The following DNM3 variants were observed in gnomAD, a reference collection of about 807,000 sequenced individuals.
DNM3 encodes dynamin 3.
A neutral mutation model predicts 101.6 loss-of-function variants in DNM3; 47 were observed. The observed-to-expected ratio is 0.46, with a 90% CI of 0.37 to 0.59. DNM3 has a LOEUF of 0.59. Ranked by LOEUF, DNM3 falls within the 20% of genes least tolerant of loss-of-function variation. The pLI is 0.00. For missense variants in DNM3, 849 were observed against 1,085.7 expected (o/e 0.78, Z 3.06); for synonymous variants, 385 against 387.9 (o/e 0.99, Z 0.09).
chr1:172,192,054 G>C (rs973435226), intron 14 of DNM3, among the ~76,000 whole-genome samples: 3 of 152,076 alleles, frequency 2.0e-5, no homozygotes, highest in African/African-American at 7.2e-5. Context: ...GGTGAGAGAG[G>C]GCATCCCTGT....
intron 15 of DNM3, among the ~76,000 whole-genome samples, chr1:172,270,040 A>G (rs1177139947): frequency 6.6e-6 from 1 of 152,204 alleles, no homozygotes; most frequent in Non-Finnish European, 1.5e-5. Flanking sequence ...TAGCAATAAC[A>G]TGTAGAATAT....
intron 14 of DNM3, among the ~76,000 whole-genome samples, chr1:172,191,789 G>T (rs2059734031): frequency 1.3e-5 from 2 of 152,128 alleles, no homozygotes; most frequent in South Asian, 2.1e-4. Context: ...TTGTGAATGG[G>T]AGTTCACTCA....
At chr1:172,276,557 A>ATGTATGTGTGTGTGTG (rs1553218158) in intron 15 of DNM3, among the ~76,000 whole-genome samples, 10 of 144,262 alleles carry the variant, frequency 6.9e-5, no homozygotes, top group Non-Finnish European at 1.5e-4. Context: ...AAAAATCTTA[A>ATGTATGTGTGTGTGTG]TGTGTGTGTG....
At chr1:172,039,638 C>A (rs2049225320) in intron 7 of DNM3, among the ~76,000 whole-genome samples, 1 of 152,114 alleles carries the variant, frequency 6.6e-6, no homozygotes, top group South Asian at 2.1e-4. Flanking sequence ...GGTCTTGCCT[C>A]TGTGACTTTA....
intron 13 of DNM3, among the ~76,000 whole-genome samples, chr1:172,118,196 C>A (rs1277058546): frequency 6.6e-6 from 1 of 152,122 alleles, no homozygotes; most frequent in Non-Finnish European, 1.5e-5. Context: ...ATGCATTTTT[C>A]CCTAGAACAT....
intron 14 of DNM3, among the ~76,000 whole-genome samples, chr1:172,197,676 G>A (rs1031531224): frequency 2.0e-5 from 3 of 151,928 alleles, no homozygotes; most frequent in African/African-American, 7.3e-5. Flanking sequence ...TGGCACTTAT[G>A]AATGGGATTG....
intron 16 of DNM3, 166 bp downstream of exon 16, chr1:172,309,005 C>T (rs750582698): frequency 1.3e-4 from 53 of 423,642 alleles, no homozygotes; most frequent in Non-Finnish European, 1.9e-4. Context: ...TTTAACAATG[C>T]TTTTTCTCTG....
intron 2 of DNM3, among the ~76,000 whole-genome samples, chr1:171,971,976 G>A (rs1312052705): frequency 1.3e-5 from 2 of 152,138 alleles, no homozygotes; most frequent in Admixed American, 6.6e-5. Flanking sequence ...CATACTGAAC[G>A]AGGAAAAGAA....
At chr1:171,900,458 A>C (rs1367083727) in intron 1 of DNM3, among the ~76,000 whole-genome samples, 3 of 152,160 alleles carry the variant, frequency 2.0e-5, no homozygotes, top group Non-Finnish European at 4.4e-5. Flanking sequence ...GAGGAAAAGC[A>C]CAGAAGACAG....
At position 172,291,285 on chromosome 1, in the gene DNM3, T is replaced by A. The variant is rs1181863716; in HGVS notation, c.1770-17443T>A. On this transcript the variant is annotated intron_variant, in intron 15 of 20. Transcript: ENST00000627582. ...ACGCATACATGTGCGTGTGTACACG[T>A]GTGCACGCCTGTTTTCAGATGGCTG... 5.8e-5 allele frequency among the ~76,000 whole-genome samples: 6 copies of A among 102,726 alleles called. No homozygotes were observed. In the East Asian group the frequency reaches 1.7e-3, roughly 29 times the overall value. 67.4% of individuals were successfully genotyped at this position (102,726 alleles called of 152,430 possible).
chr1:172,237,799 C>T (rs2061600566), intron 14 of DNM3, among the ~76,000 whole-genome samples: 1 of 152,128 alleles, frequency 6.6e-6, no homozygotes, highest in Non-Finnish European at 1.5e-5. Context: ...TACTGAGAAA[C>T]TTTAGCTGAT....
intron 15 of DNM3, among the ~76,000 whole-genome samples, chr1:172,262,365 TG>T (rs903690504): frequency 6.6e-6 from 1 of 152,008 alleles, no homozygotes; most frequent in Non-Finnish European, 1.5e-5. Context: ...CTTGGTGGGG[TG>T]GGGGCTGTGC....
intron 17 of DNM3, among the ~76,000 whole-genome samples, chr1:172,359,700 C>A (rs2067644672): frequency 6.6e-6 from 1 of 151,482 alleles, no homozygotes; most frequent in African/African-American, 2.4e-5. Flanking sequence ...ATTTAAAAGT[C>A]TTTTAAGTGT....
rs114021592 is a variant in DNM3 at position 172,368,383 on chromosome 1, A to T, written c.1894-10635A>T. Among the ~76,000 whole-genome samples, 1,347 of 152,082 alleles carry T rather than the reference A, an allele frequency of 8.9e-3. 28 individuals are homozygous for T. Among genetic ancestry groups the T allele is most frequent in the African/African-American group, 0.031 (1,268 of 41,548 alleles). On this transcript the variant is annotated intron_variant, in intron 17 of 20. Coordinates refer to ENST00000627582, the MANE Select transcript of DNM3 (RefSeq NM_015569.5). The stretch of plus-strand genomic sequence containing the variant: ...ACATGCTCCAAAACAACCAAAGGGT[A>T]AATTAAGAAATTAAGAAGTACATTA...
intron 15 of DNM3, among the ~76,000 whole-genome samples, chr1:172,284,279 G>T (rs1228936652): frequency 2.6e-5 from 4 of 152,118 alleles, no homozygotes; most frequent in African/African-American, 9.7e-5. Context: ...AGCCTTTTGA[G>T]TAATTGTTAA....
At chr1:172,055,366 CAG>C (rs2050520197) in intron 10 of DNM3, among the ~76,000 whole-genome samples, 1 of 152,102 alleles carries the variant, frequency 6.6e-6, no homozygotes, top group Non-Finnish European at 1.5e-5. Context: ...CCCCATAAAG[CAG>C]AGTCTTTCTC....
chr1:172,201,519 G>A (rs1305349291), intron 14 of DNM3, among the ~76,000 whole-genome samples: 1 of 152,216 alleles, frequency 6.6e-6, no homozygotes, highest in Non-Finnish European at 1.5e-5. Context: ...AGAATAGAGG[G>A]TCTGTGCTAT....
chr1:172,175,714 C>A (rs115145485), intron 14 of DNM3, among the ~76,000 whole-genome samples: 1 of 151,758 alleles, frequency 6.6e-6, no homozygotes, highest in Non-Finnish European at 1.5e-5. Flanking sequence ...ACAAATTTCA[C>A]ACGATCAAAT....
In DNM3 at chr1:172,133,006, A is replaced by G. The variant is rs924409266; in HGVS notation, c.1659+1718A>G. 47 of 1,523,278 alleles carry G rather than the reference A, an allele frequency of 3.1e-5. No homozygotes were observed. The East Asian group carries it at 1.0e-3, about 33-fold the overall frequency. 94.4% of individuals were successfully genotyped at this position (1,523,278 alleles called of 1,614,324 possible). ...AGAGCCTATGCTTTCAACCACAAAT[A>G]AAGGCAAGAATCCCAGAGATGCCTG... On this transcript the variant is annotated intron_variant, in intron 14 of 20. Transcript: ENST00000627582.
Sources: allele counts gnomAD v4.1 joint callset (sites outside exome capture counted in the v4.1 genomes callset), GRCh38; gene constraint gnomAD v4.1.1; transcripts MANE v1.5; gene names NCBI Gene and HGNC (gene_info 2026-07-23, HGNC 2026-07-21).